The following CSMD1 variants were observed in gnomAD, a reference collection of about 807,000 sequenced individuals.
The protein encoded by CSMD1 is CUB and Sushi multiple domains 1.
Under a neutral mutation model 417.5 loss-of-function variants are expected in CSMD1, and 213 were observed. The observed-to-expected ratio is 0.51, with a 90% CI of 0.46 to 0.57. The LOEUF (loss-of-function observed/expected upper bound fraction) is 0.57. CSMD1 is among the 20% of genes least tolerant of loss of function. The pLI is 0.00. For missense variants in CSMD1, 6,923 were observed against 4,529.7 expected, an observed-to-expected ratio of 1.53 and a Z score of -15.17; for synonymous variants, 2,862 against 1,736.8, an observed-to-expected ratio of 1.65 and a Z score of -16.11.
At chr8:3,937,755 G>C (rs1020694767) in intron 5 of CSMD1, among the ~76,000 whole-genome samples, 4 of 152,072 alleles carry the variant, frequency 2.6e-5, no homozygotes, top group African/African-American at 4.8e-5. Flanking sequence ...TACTGATTAA[G>C]ATGTAATATA....
intron 3 of CSMD1, among the ~76,000 whole-genome samples, chr8:4,059,853 T>C (rs4398938): frequency 0.94 from 138,789 of 148,066 alleles, 65,136 homozygotes; most frequent in East Asian, 0.99. Flanking sequence ...CAGCCGAATA[T>C]TACCAGAGGT....
At position 4,285,483 on chromosome 8, in the gene CSMD1, G is replaced by C. The variant is rs74723649; in HGVS notation, c.415+134470C>G. Among the ~76,000 whole-genome samples the C allele has an allele frequency of 5.7e-3, 861 of 152,252 alleles. 20 individuals carry two copies. Among genetic ancestry groups the C allele is most frequent in the East Asian group, 0.045 (231 of 5,172 alleles). On this transcript the variant is annotated intron_variant, in intron 3 of 69. Coordinates refer to ENST00000635120, the MANE Select transcript of CSMD1 (RefSeq NM_033225.6). Reference sequence around the variant, plus strand: ...ATGAAATAATACAGAAAAAAAGTGGGCTTTTCCAAATATAAAGAGGATGAA... The same window carrying C: ...ATGAAATAATACAGAAAAAAAGTGGCCTTTTCCAAATATAAAGAGGATGAA...
chr8:4,361,751 C>T (rs555787620), intron 3 of CSMD1, among the ~76,000 whole-genome samples: 1 of 151,556 alleles, frequency 6.6e-6, no homozygotes. Context: ...GTCAGGAGAT[C>T]GAGACCATCC....
At chr8:3,116,425 AT>A (rs531933894) in intron 42 of CSMD1, among the ~76,000 whole-genome samples, 192 of 152,300 alleles carry the variant, frequency 1.3e-3, no homozygotes, top group African/African-American at 4.3e-3. Flanking sequence ...ATATTGACAT[AT>A]CCCCTCCCTG....
At chr8:3,299,096 A>C (rs143921730) in intron 25 of CSMD1, among the ~76,000 whole-genome samples, 241 of 152,298 alleles carry the variant, frequency 1.6e-3, no homozygotes, top group African/African-American at 5.5e-3. Flanking sequence ...TTTTTATTCA[A>C]ATGTAAAATT....
At position 3,530,829 on chromosome 8, in the gene CSMD1, T is replaced by A. The variant is rs186508794; in HGVS notation, c.1345-37103A>T. On this transcript the variant is annotated intron_variant, in intron 10 of 69. Coordinates refer to ENST00000635120, the MANE Select transcript of CSMD1 (RefSeq NM_033225.6). ...CAGGCATGAGCCACCATGCCTGCCC[T>A]GCTGCAGTGAATCTTGACGCCTCTC... 1.8e-4 allele frequency among the ~76,000 whole-genome samples: 27 copies of A among 149,572 alleles called. 1 individual carries two copies. The East Asian group carries it at 5.1e-3, about 28-fold the overall frequency.
chr8:3,654,915 G>A (rs757769936), intron 7 of CSMD1, among the ~76,000 whole-genome samples: 45 of 152,186 alleles, frequency 3.0e-4, no homozygotes, highest in South Asian at 2.1e-4. Flanking sequence ...ACACAGTTGA[G>A]CCAGGGAGCA....
intron 6 of CSMD1, among the ~76,000 whole-genome samples, chr8:3,720,378 C>T (rs183812973): frequency 3.9e-5 from 6 of 152,268 alleles, no homozygotes; most frequent in Non-Finnish European, 4.4e-5. Flanking sequence ...CCTTTTCTAT[C>T]TATGGGAATA....
intron 54 of CSMD1, among the ~76,000 whole-genome samples, chr8:2,992,567 G>A (rs966382182): frequency 6.6e-6 from 1 of 151,806 alleles, no homozygotes; most frequent in Non-Finnish European, 1.5e-5. Flanking sequence ...GGGATTACAG[G>A]TGTGCACCAC....
intron 9 of CSMD1, among the ~76,000 whole-genome samples, chr8:3,583,014 T>C (rs1800447078): frequency 6.6e-6 from 1 of 152,174 alleles, no homozygotes; most frequent in Non-Finnish European, 1.5e-5. Flanking sequence ...CATAATCAGT[T>C]GGGAAGTCTT....
chr8:4,291,979 A>G (rs1030707583), intron 3 of CSMD1, among the ~76,000 whole-genome samples: 1 of 152,196 alleles, frequency 6.6e-6, no homozygotes, highest in East Asian at 1.9e-4. Context: ...TTCTTTCATC[A>G]GAGTTTGAGA....
At chr8:4,427,712 G>A (rs1436676792) in intron 2 of CSMD1, among the ~76,000 whole-genome samples, 2 of 151,982 alleles carry the variant, frequency 1.3e-5, no homozygotes, top group African/African-American at 4.8e-5. Flanking sequence ...GTTCTATTCA[G>A]CATATCACTA....
chr8:4,538,801 G>A (rs1406673860), intron 2 of CSMD1, among the ~76,000 whole-genome samples: 7 of 152,180 alleles, frequency 4.6e-5, no homozygotes, highest in Admixed American at 3.3e-4. Flanking sequence ...GGAAACAGAA[G>A]CTCAAAGAAG....
rs144901159 is a variant in CSMD1, at chr8:4,245,528, C to T, written c.415+174425G>A. ...TTGGATGTTTCCCAATCCATGGTCT[C>T]TCCATGCTGGGATGCTAAACATGAG... is the stretch of plus-strand genomic sequence containing the variant. On this transcript the variant is annotated intron_variant, in intron 3 of 69. Transcript: ENST00000635120. Among the ~76,000 whole-genome samples, 138 of 152,270 alleles carry T rather than the reference C, an allele frequency of 9.1e-4. 1 individual carries two copies. Among genetic ancestry groups the T allele is most frequent in the African/African-American group, 3.2e-3 (134 of 41,548 alleles).
At chr8:3,400,021 T>C (rs1372822793) in intron 15 of CSMD1, among the ~76,000 whole-genome samples, 1 of 152,168 alleles carries the variant, frequency 6.6e-6, no homozygotes, top group Admixed American at 6.5e-5. Flanking sequence ...ATATTATTTG[T>C]GAGTGTGAAA....
chr8:3,595,822 A>G (rs536042160), intron 8 of CSMD1, among the ~76,000 whole-genome samples: 1 of 152,308 alleles, frequency 6.6e-6, no homozygotes, highest in East Asian at 1.9e-4. Context: ...TCACCCACCT[A>G]TCTATACAAA....
At chr8:3,997,760 C>T in intron 5 of CSMD1, 143 bp downstream of exon 5, 2 of 706,082 alleles carry the variant, frequency 2.8e-6, no homozygotes, top group Non-Finnish European at 4.6e-6. Context: ...GTAACTTTTC[C>T]AGAGCCAAAA....
intron 5 of CSMD1, among the ~76,000 whole-genome samples, chr8:3,801,624 T>G (rs1800464879): frequency 7.3e-6 from 1 of 137,006 alleles, no homozygotes; most frequent in African/African-American, 2.5e-5. Flanking sequence ...TCCTAGTTTT[T>G]CTACCCAAGA....
chr8:4,963,936 AC>A (rs1350460951), intron 1 of CSMD1, among the ~76,000 whole-genome samples: 1 of 152,200 alleles, frequency 6.6e-6, no homozygotes, highest in Non-Finnish European at 1.5e-5. Context: ...TATTAAAAAA[AC>A]AAGCTGATTT....
Sources: gnomAD v4.1 joint callset for allele counts (sites outside exome capture counted in the v4.1 genomes callset) on GRCh38, gnomAD v4.1.1 for gene constraint, MANE v1.5 for transcripts, NCBI Gene and HGNC (gene_info 2026-07-23, HGNC 2026-07-21) for gene names.